The following KLHL13 variants were observed in gnomAD, a reference collection of about 807,000 sequenced individuals.
KLHL13 encodes the protein kelch like family member 13, also known as kelch-like protein 13.
A neutral mutation model predicts 37.1 loss-of-function variants in KLHL13; 10 were observed. That is an observed-to-expected ratio of 0.27 (90% CI 0.17 to 0.46). The LOEUF is 0.46. Ranked by LOEUF, KLHL13 falls within the 20% of genes least tolerant of loss-of-function variation. The pLI, the probability that KLHL13 is intolerant of heterozygous loss-of-function variation, is 1.00. For missense variants in KLHL13, 360 were observed against 509.3 expected (o/e 0.71, Z 2.82); for synonymous variants, 163 against 181.2 (o/e 0.90, Z 0.81).
intron 1 of KLHL13, among the ~76,000 whole-genome samples, chrX:118,052,697 C>A (rs748110323): frequency 1.8e-5 from 2 of 108,590 alleles, no homozygotes; most frequent in Non-Finnish European, 3.8e-5. Flanking sequence ...ATTAGCTGGG[C>A]GCACCTGTAA....
Position 117,938,798 on chromosome X carries a change from T to A in KLHL13, c.240+6636A>T, listed in dbSNP as rs181613745. Among the ~76,000 whole-genome samples the A allele has an allele frequency of 1.3e-4, 15 of 111,181 alleles. No homozygotes were observed. In the East Asian group the frequency reaches 4.2e-3, roughly 31 times the overall value. On this transcript the variant is annotated intron_variant, in intron 2 of 6. Transcript: ENST00000262820. ...ATACTTTTCCTATCTGTTTGACCCCTTATTCTCTCTTCCCATAACTTGAAA... is the reference window on the plus strand; with the variant it reads ...ATACTTTTCCTATCTGTTTGACCCCATATTCTCTCTTCCCATAACTTGAAA...
At chrX:118,110,241 T>C (rs2055393366) in intron 1 of KLHL13, among the ~76,000 whole-genome samples, 1 of 110,850 alleles carries the variant, frequency 9.0e-6, no homozygotes, top group South Asian at 3.9e-4. Context: ...ATGTCAAGTT[T>C]ACAGAGGAAA....
intron 1 of KLHL13, among the ~76,000 whole-genome samples, chrX:117,962,413 C>T (rs111688202): frequency 0.027 from 2,932 of 108,824 alleles, 94 homozygotes; most frequent in African/African-American, 0.092. Flanking sequence ...ACCCTTGGAA[C>T]GTGCTAAAAA....
intron 5 of KLHL13, among the ~76,000 whole-genome samples, chrX:117,902,213 T>G (rs1457086042): frequency 1.8e-5 from 2 of 111,597 alleles, no homozygotes; most frequent in African/African-American, 6.5e-5. Flanking sequence ...CTAAGATTTA[T>G]TCTGTAATCT....
At chrX:118,060,970 C>A (rs781750706) in intron 1 of KLHL13, among the ~76,000 whole-genome samples, 6 of 110,536 alleles carry the variant, frequency 5.4e-5, no homozygotes, top group Admixed American at 9.7e-5. Flanking sequence ...AAAAGGACAC[C>A]AGTTACATTG....
intron 1 of KLHL13, among the ~76,000 whole-genome samples, chrX:117,949,309 T>C (rs1007830359): frequency 5.4e-5 from 6 of 111,590 alleles, no homozygotes; most frequent in Non-Finnish European, 9.4e-5. Context: ...ACTCACTAAA[T>C]GGACAAATGT....
At chrX:117,927,490 A>G (rs1349105656) in intron 2 of KLHL13, among the ~76,000 whole-genome samples, 3 of 112,256 alleles carry the variant, frequency 2.7e-5, no homozygotes, top group Non-Finnish European at 5.6e-5. Flanking sequence ...CAGCCATGAT[A>G]ACTGTGTGGC....
At chrX:118,028,640 T>C (rs1411635722) in intron 1 of KLHL13, 143 bp from the exon 2 acceptor site, 1 of 296,267 alleles carries the variant, frequency 3.4e-6, no homozygotes, top group Non-Finnish European at 5.9e-6. Flanking sequence ...TCATATTACA[T>C]CTTAAGAAAA....
intron 1 of KLHL13, among the ~76,000 whole-genome samples, chrX:117,954,997 T>G (rs1035467952): frequency 8.9e-6 from 1 of 112,271 alleles, no homozygotes; most frequent in African/African-American, 3.2e-5. Context: ...CCATTATCTG[T>G]AGCTCATCAA....
intron 1 of KLHL13, among the ~76,000 whole-genome samples, chrX:118,072,090 C>T (rs1370857734): frequency 9.1e-6 from 1 of 109,365 alleles, no homozygotes; most frequent in Non-Finnish European, 1.9e-5. Context: ...TACTACAAGG[C>T]TACAGTAACC....
At chrX:118,075,219 G>C (rs962373437) in intron 1 of KLHL13, among the ~76,000 whole-genome samples, 1 of 111,580 alleles carries the variant, frequency 9.0e-6, no homozygotes, top group Admixed American at 9.6e-5. Flanking sequence ...CAGCAGAAAA[G>C]TCAGTTTGTT....
At chrX:117,916,537 A>G (rs147080149) in intron 4 of KLHL13, among the ~76,000 whole-genome samples, 1,303 of 112,522 alleles carry the variant, frequency 0.012, 18 homozygotes, top group African/African-American at 0.038. Flanking sequence ...GCTCTGTTAT[A>G]GAAAACTGGT....
chrX:118,071,397 T>C (rs1423509546), intron 1 of KLHL13, among the ~76,000 whole-genome samples: 1 of 111,608 alleles, frequency 9.0e-6, no homozygotes, highest in Non-Finnish European at 1.9e-5. Flanking sequence ...TTCCTATTTC[T>C]CCACATCCTC....
intron 5 of KLHL13, among the ~76,000 whole-genome samples, chrX:117,904,874 C>T (rs1439758668): frequency 9.0e-6 from 1 of 111,450 alleles, no homozygotes; most frequent in Non-Finnish European, 1.9e-5. Flanking sequence ...GTTTGGTGGC[C>T]TAGTGTTTAC....
intron 5 of KLHL13, 104 bp downstream of exon 6, chrX:117,909,197 C>A: frequency 2.9e-6 from 2 of 692,433 alleles, no homozygotes; most frequent in South Asian, 3.4e-5. Context: ...AAATAAAACC[C>A]TAACTACATT....
At chrX:118,068,852 G>C (rs1184782989) in intron 1 of KLHL13, among the ~76,000 whole-genome samples, 4 of 110,668 alleles carry the variant, frequency 3.6e-5, no homozygotes, top group African/African-American at 1.3e-4. Flanking sequence ...GTCCAGCTGT[G>C]AACAACTGTC....
chrX:117,986,815 C>G (rs1156634738), intron 1 of KLHL13, among the ~76,000 whole-genome samples: 2 of 111,640 alleles, frequency 1.8e-5, no homozygotes, highest in Non-Finnish European at 3.8e-5. Context: ...GGACCAGAAA[C>G]CACGCATTCT....
At chrX:118,098,814 C>G in intron 1 of KLHL13, among the ~76,000 whole-genome samples, 1 of 104,714 alleles carries the variant, frequency 9.5e-6, no homozygotes, top group Non-Finnish European at 1.9e-5. Flanking sequence ...TCTCAGCAAA[C>G]TACCGCAAAG....
At chrX:118,099,007 C>T (rs1335630490) in intron 1 of KLHL13, among the ~76,000 whole-genome samples, 1 of 98,308 alleles carries the variant, frequency 1.0e-5, no homozygotes, top group Non-Finnish European at 2.0e-5. Flanking sequence ...ATACCTAATG[C>T]TAAATGATGA....
Sources: gnomAD v4.1 joint callset for allele counts (sites outside exome capture counted in the v4.1 genomes callset) on GRCh38, gnomAD v4.1.1 for gene constraint, MANE v1.5 for transcripts, NCBI Gene and HGNC (gene_info 2026-07-23, HGNC 2026-07-21) for gene names.